FBN1: variants seen among roughly 807,000 people sequenced by gnomAD.
The protein encoded by FBN1 is fibrillin 1.
FBN1 carries 29 observed loss-of-function variants against 365.1 expected under a neutral mutation model. The ratio of observed to expected loss-of-function variants is 0.08; its 90% CI spans 0.06 to 0.11. The LOEUF is 0.11. Ranked by LOEUF, FBN1 falls within the 10% of genes least tolerant of loss-of-function variation. FBN1 has a pLI of 1.00. For synonymous variants in FBN1, 1,210 were observed against 1,270.5 expected (o/e 0.95, Z 1.01); for missense variants, 2,476 against 3,703.2 (o/e 0.67, Z 8.60).
chr15:48,456,584 T>C, intron 44 of FBN1, 53 bp downstream of exon 44: 2 of 1,589,780 alleles, frequency 1.3e-6, no homozygotes, highest in Non-Finnish European at 1.7e-6. Flanking sequence ...GTGTATCAAG[T>C]AGCTCATCAG....
rs76580863 is a variant in FBN1, at chr15:48,560,842, C to T, written c.539-23034G>A. Among the ~76,000 whole-genome samples the T allele has an allele frequency of 0.017, 2,551 of 152,112 alleles. 204 individuals carry two copies. In the East Asian group the frequency reaches 0.24, roughly 14 times the overall value. On this transcript the variant is annotated intron_variant, in intron 6 of 65. Coordinates refer to ENST00000316623, the MANE Select transcript of FBN1 (RefSeq NM_000138.5). Reference sequence around the variant, plus strand: ...CCCTGCATGCCACAGTGGAAAGAGCCCAGTACTGGAAGTTAGATGTCCCAC... The same window carrying T: ...CCCTGCATGCCACAGTGGAAAGAGCTCAGTACTGGAAGTTAGATGTCCCAC...
At chr15:48,538,580 G>A (rs780994258) in intron 6 of FBN1, among the ~76,000 whole-genome samples, 1 of 151,080 alleles carries the variant, frequency 6.6e-6, no homozygotes, top group Admixed American at 6.6e-5. Flanking sequence ...TATAAGATCT[G>A]CCTCTTTTTT....
At chr15:48,594,484 T>G (rs1263687609) in intron 6 of FBN1, among the ~76,000 whole-genome samples, 1 of 152,214 alleles carries the variant, frequency 6.6e-6, no homozygotes, top group Admixed American at 6.5e-5. Flanking sequence ...CCCTTTTTCC[T>G]GAAGGGGAGC....
chr15:48,444,256 G>C (rs1204883184), intron 49 of FBN1, among the ~76,000 whole-genome samples: 1 of 152,136 alleles, frequency 6.6e-6, no homozygotes, highest in Non-Finnish European at 1.5e-5. Flanking sequence ...GGAAATACTG[G>C]GAGTAGGACA....
chr15:48,428,206 T>TA (rs1011408761), intron 57 of FBN1, 140 bp downstream of exon 57: 7 of 1,085,520 alleles, frequency 6.4e-6, no homozygotes, highest in Non-Finnish European at 9.6e-6. Context: ...TCACAGTCAT[T>TA]ACGGCATCTC....
intron 45 of FBN1, among the ~76,000 whole-genome samples, chr15:48,450,881 G>A (rs2141254183): frequency 6.6e-6 from 1 of 152,120 alleles, no homozygotes; most frequent in East Asian, 1.9e-4. Context: ...AAAATGCCAA[G>A]TATAGAATAG....
chr15:48,576,991 T>C (rs1431796852), intron 6 of FBN1, among the ~76,000 whole-genome samples: 1 of 152,212 alleles, frequency 6.6e-6, no homozygotes, highest in East Asian at 1.9e-4. Flanking sequence ...AAGGAATTCA[T>C]GCTTTCCTGC....
In FBN1 at chr15:48,435,361, C is replaced by T. The variant is rs530038116; in HGVS notation, c.6497-648G>A. Among the ~76,000 whole-genome samples, 5 of 151,668 alleles carry T rather than the reference C, an allele frequency of 3.3e-5. No individual in the cohort carries two copies. The South Asian group carries it at 1.0e-3, about 32-fold the overall frequency. ...GGCCCCTATCACTCGTCAAAAGTTT[C>T]TGCTTGTTTAAAGCAGAAATACATC... On this transcript the variant is annotated intron_variant, in intron 53 of 65. Coordinates refer to ENST00000316623, the MANE Select transcript of FBN1 (RefSeq NM_000138.5).
At chr15:48,425,951 T>G in intron 58 of FBN1, 87 bp from the exon 59 acceptor site, 1 of 1,045,870 alleles carries the variant, frequency 9.6e-7, no homozygotes, top group Non-Finnish European at 1.5e-6. Context: ...TAAATACTAA[T>G]AAATTGTGTT....
chr15:48,510,621 T>A (rs1322049408), intron 13 of FBN1, among the ~76,000 whole-genome samples: 1 of 152,172 alleles, frequency 6.6e-6, no homozygotes. Flanking sequence ...AAACCGTCAA[T>A]CACATCTCTA....
intron 6 of FBN1, among the ~76,000 whole-genome samples, chr15:48,549,401 G>A (rs892493391): frequency 2.6e-5 from 4 of 152,216 alleles, no homozygotes; most frequent in Non-Finnish European, 4.4e-5. Context: ...GATGCACAGA[G>A]CAGTCCACCT....
rs1436766217 is a variant in FBN1, at chr15:48,639,141, T to C, written c.164+5465A>G. Among the ~76,000 whole-genome samples, 8 of 152,348 alleles carry C rather than the reference T, an allele frequency of 5.3e-5. 1 individual carries two copies. In the South Asian group the frequency reaches 1.2e-3, roughly 24 times the overall value. On this transcript the variant is annotated intron_variant, in intron 2 of 65. Transcript: ENST00000316623. ...TACCAATGTCTTGGGCCTGCATTTT[T>C]GTCTGGTGGAATGAAAAACCAAAAC...
At chr15:48,488,572 T>A in intron 25 of FBN1, 79 bp from the exon 26 acceptor site, 1 of 1,541,704 alleles carries the variant, frequency 6.5e-7, no homozygotes, top group Non-Finnish European at 8.8e-7. Context: ...CCATTTTAAA[T>A]CATGAAGGTT....
At chr15:48,473,145 A>T (rs1224826171) in intron 34 of FBN1, among the ~76,000 whole-genome samples, 2 of 152,214 alleles carry the variant, frequency 1.3e-5, no homozygotes, top group African/African-American at 4.8e-5. Flanking sequence ...TAAACCACAC[A>T]TGCCTAATAC....
intron 9 of FBN1, among the ~76,000 whole-genome samples, chr15:48,525,243 C>T (rs530253411): frequency 2.6e-5 from 4 of 152,060 alleles, no homozygotes; most frequent in African/African-American, 7.2e-5. Context: ...CCCGCCACGA[C>T]GCCTGGCAAA....
chr15:48,517,536 T>G (rs1475918763), intron 10 of FBN1, among the ~76,000 whole-genome samples: 1 of 152,230 alleles, frequency 6.6e-6, no homozygotes, highest in African/African-American at 2.4e-5. Context: ...TGATTACTAT[T>G]TTTCACAGTG....
Position 48,494,230 on chromosome 15 carries a change from G to A in FBN1, c.2702C>T (p.Ser901Leu), listed in dbSNP as rs1177995453. The A allele has an allele frequency of 6.2e-7, 1 of 1,612,822 alleles. No homozygotes were observed. The highest frequency in any genetic ancestry group is 8.5e-7 in the Non-Finnish European group (1 of 1,179,140). The change falls in exon 23 of 66, where the codon TCA (serine) becomes TTA (leucine). Residue 901 changes from serine to leucine, a missense_variant. Physicochemically the swap from Ser to Leu is moderately radical, Grantham distance 145. Around this residue, in one of 5 missense-constraint regions of FBN1, gnomAD observed 1,780 missense variants for 2,840.8 expected, o/e 0.63. Transcript: ENST00000316623. ...QVDPICGKGY[S>L]RIKGTQCEDI... is the part of the protein sequence containing the mutation. ...TTCACATTGTGTTCCTTTAATTCTT[G>A]AGTACCCTTTACCACATATGGGATC...
intron 2 of FBN1, among the ~76,000 whole-genome samples, chr15:48,615,469 A>G (rs1889634023): frequency 6.6e-6 from 1 of 152,340 alleles, no homozygotes; most frequent in South Asian, 2.1e-4. Context: ...TTGAAAAAGC[A>G]TGGTAATATA....
At chr15:48,594,825 GA>G (rs1678421667) in intron 6 of FBN1, among the ~76,000 whole-genome samples, 1 of 152,064 alleles carries the variant, frequency 6.6e-6, no homozygotes, top group Admixed American at 6.6e-5. Flanking sequence ...TATCATCTGA[GA>G]AATTATTTTC....
Sources: allele counts gnomAD v4.1 joint callset (sites outside exome capture counted in the v4.1 genomes callset), GRCh38; gene constraint gnomAD v4.1.1; regional missense constraint gnomAD v4.1.1; transcripts MANE v1.5; gene names NCBI Gene and HGNC (gene_info 2026-07-23, HGNC 2026-07-21).